Variants in ENAH observed in about 807,000 individuals in gnomAD.
The protein encoded by ENAH is protein enabled homolog.
In ENAH, 23 loss-of-function variants were observed where a neutral mutation model predicts 78.7. The ratio of observed to expected loss-of-function variants is 0.29; its 90% CI spans 0.21 to 0.41. The LOEUF (loss-of-function observed/expected upper bound fraction) is 0.41, where lower values mean the gene tolerates loss of function less well. Ranked by LOEUF, ENAH falls within the 10% of genes least tolerant of loss-of-function variation. The pLI, the probability that ENAH is intolerant of heterozygous loss-of-function variation, is 1.00. For missense variants in ENAH, 544 were observed against 691.0 expected, an observed-to-expected ratio of 0.79 and a Z score of 2.39; for synonymous variants, 226 against 241.0, an observed-to-expected ratio of 0.94 and a Z score of 0.58.
At chr1:225,561,637 A>AAATAAAATAAAATAC (rs2096706648) in intron 2 of ENAH, among the ~76,000 whole-genome samples, 1 of 151,564 alleles carries the variant, frequency 6.6e-6, no homozygotes, top group Non-Finnish European at 1.5e-5. Flanking sequence ...AAATAAAATA[A>AAATAAAATAAAATAC]AATAAAATAA....
intron 1 of ENAH, among the ~76,000 whole-genome samples, chr1:225,645,213 C>G (rs966417323): frequency 6.6e-6 from 1 of 152,168 alleles, no homozygotes; most frequent in Admixed American, 6.5e-5. Flanking sequence ...AAACAACTCA[C>G]GTAAAAAGCA....
At chr1:225,604,523 C>T (rs2096945562) in intron 1 of ENAH, among the ~76,000 whole-genome samples, 1 of 151,802 alleles carries the variant, frequency 6.6e-6, no homozygotes, top group Admixed American at 6.6e-5. Flanking sequence ...GTGGCTCACG[C>T]CTGTAATCTC....
intron 1 of ENAH, among the ~76,000 whole-genome samples, chr1:225,574,919 AAT>A (rs1553445083): frequency 3.3e-4 from 1 of 2,992 alleles, no homozygotes; most frequent in Non-Finnish European, 5.9e-4. Context: ...AAAAAAAAAA[AAT>A]ATATATATAT....
chr1:225,565,294 G>A (rs546656937), intron 2 of ENAH, among the ~76,000 whole-genome samples: 2 of 152,086 alleles, frequency 1.3e-5, no homozygotes, highest in South Asian at 4.2e-4. Context: ...AATTAGCCAG[G>A]CATGGTGGCA....
chr1:225,653,237 A>C (rs1010369483), upstream of ENAH: 1 of 140,604 alleles, frequency 7.1e-6, no homozygotes, highest in African/African-American at 2.6e-5. The surrounding 1 kb of genome is among the most constrained non-coding windows in gnomAD (Gnocchi z 4.3). Context: ...GGGGGAGGGG[A>C]GGAAAGGGGA....
At chr1:225,614,356 G>A (rs1391932731) in intron 1 of ENAH, among the ~76,000 whole-genome samples, 1 of 152,192 alleles carries the variant, frequency 6.6e-6, no homozygotes, top group Non-Finnish European at 1.5e-5. Flanking sequence ...ACTGTGCCCA[G>A]CCAATACTAA....
At chr1:225,545,113 G>A (rs1279180038) in intron 3 of ENAH, among the ~76,000 whole-genome samples, 1 of 152,176 alleles carries the variant, frequency 6.6e-6, no homozygotes, top group Non-Finnish European at 1.5e-5. Context: ...CATGGGGGAG[G>A]AGAGAAGATG....
Position 225,490,780 on chromosome 1 carries a change from T to G in ENAH, c.*6995A>C, listed in dbSNP as rs1377396105. 6.6e-6 allele frequency: 1 copy of G among 152,218 alleles called. No individual in the cohort carries two copies. Among genetic ancestry groups the G allele is most frequent in the African/African-American group, 2.4e-5 (1 of 41,436 alleles). The allele number at this position is 152,218 out of a possible 1,614,324, so 9.4% of individuals were successfully genotyped here. On this transcript the variant is annotated 3_prime_UTR_variant, in exon 14 of 14. Transcript: ENST00000366843. ...CTTTCCTCAGATAAACTATAAGCTA[T>G]TCTTCTCCTGGAAATTTAAGTGGCA...
chr1:225,576,211 G>A (rs1463770650), intron 1 of ENAH, among the ~76,000 whole-genome samples: 1 of 150,226 alleles, frequency 6.7e-6, no homozygotes, highest in Non-Finnish European at 1.5e-5. Flanking sequence ...AGGAGTTCGA[G>A]GCCACAGTGA....
At chr1:225,556,289 C>T (rs1408106690) in intron 2 of ENAH, among the ~76,000 whole-genome samples, 1 of 152,176 alleles carries the variant, frequency 6.6e-6, no homozygotes, top group African/African-American at 2.4e-5. Flanking sequence ...TTCCAAGTAG[C>T]TTTCCAAATT....
chr1:225,550,884 CT>C (rs141192460), intron 3 of ENAH, among the ~76,000 whole-genome samples: 3 of 151,832 alleles, frequency 2.0e-5, no homozygotes, highest in Non-Finnish European at 2.9e-5. Flanking sequence ...ATATAATTTT[CT>C]TTTTTTTGGA....
At chr1:225,653,481 G>C (rs1174986147), upstream of ENAH, among the ~76,000 whole-genome samples, 2 of 126,800 alleles carry the variant, frequency 1.6e-5, no homozygotes, top group Non-Finnish European at 3.2e-5. This position sits in a 1 kb window ranked among gnomAD's most constrained non-coding sequence, Gnocchi z 4.3. Context: ...GGTTGTCCTT[G>C]ACCGTCGGCC....
At chr1:225,570,461 A>G (rs1575567725) in intron 1 of ENAH, among the ~76,000 whole-genome samples, 1 of 148,614 alleles carries the variant, frequency 6.7e-6, no homozygotes, top group South Asian at 2.1e-4. Flanking sequence ...CTCCCCTTCC[A>G]CCTCCTTCTC....
At chr1:225,612,342 T>G (rs1465444187) in intron 1 of ENAH, among the ~76,000 whole-genome samples, 2 of 152,226 alleles carry the variant, frequency 1.3e-5, no homozygotes, top group African/African-American at 4.8e-5. Context: ...CCATGTACTA[T>G]ATAATTCCAT....
At chr1:225,518,036 G>A (rs1346086714) in intron 5 of ENAH, 10 of 1,485,548 alleles carry the variant, frequency 6.7e-6, no homozygotes, top group Admixed American at 6.6e-5. Context: ...GATAAAAAAG[G>A]AGAGAGAAAA....
intron 9 of ENAH, 63 bp downstream of exon 9, chr1:225,512,594 C>T: frequency 6.7e-7 from 1 of 1,484,424 alleles, no homozygotes; most frequent in South Asian, 1.2e-5. Flanking sequence ...GACACTATTT[C>T]CTGAATGAGC....
chr1:225,499,139 C>T, intron 12 of ENAH, among the ~76,000 whole-genome samples: 2 of 152,140 alleles, frequency 1.3e-5, no homozygotes, highest in Admixed American at 1.3e-4. Flanking sequence ...CATATTAAAA[C>T]ATACTTTAAA....
chr1:225,509,287 G>A (rs866255005), intron 10 of ENAH, among the ~76,000 whole-genome samples: 1 of 152,160 alleles, frequency 6.6e-6, no homozygotes, highest in South Asian at 2.1e-4. Context: ...GGAAGGGAAC[G>A]GTCATCGGAC....
chr1:225,539,989 T>TC (rs978096514), intron 3 of ENAH, among the ~76,000 whole-genome samples: 2 of 152,166 alleles, frequency 1.3e-5, no homozygotes, highest in African/African-American at 4.8e-5. Flanking sequence ...ATTAGCCACT[T>TC]CAAGAGATTT....
Sources: gnomAD v4.1 joint callset for allele counts (sites outside exome capture counted in the v4.1 genomes callset) on GRCh38, gnomAD v4.1.1 for gene constraint, Gnocchi (gnomAD v3.1) non-coding constraint, MANE v1.5 for transcripts, NCBI Gene and HGNC (gene_info 2026-07-23, HGNC 2026-07-21) for gene names.